MAP3K2: variants seen among roughly 807,000 people sequenced by gnomAD.
MAP3K2 encodes the protein mitogen-activated protein kinase kinase kinase 2.
MAP3K2 carries 24 observed loss-of-function variants against 80.3 expected under a neutral mutation model. The ratio of observed to expected loss-of-function variants is 0.30; its 90% confidence interval spans 0.22 to 0.42. The LOEUF (loss-of-function observed/expected upper bound fraction) is 0.42, where lower values mean the gene tolerates loss of function less well. MAP3K2 is among the 10% of genes least tolerant of loss of function. The pLI, the probability that MAP3K2 is intolerant of heterozygous loss-of-function variation, is 1.00. For synonymous variants in MAP3K2, 244 were observed against 253.7 expected (o/e 0.96, Z 0.36); for missense variants, 608 against 750.1 (o/e 0.81, Z 2.21).
At position 127,303,706 on chromosome 2, in the gene MAP3K2, T is replaced by G; in HGVS notation, c.*3873A>C. The G allele has an allele frequency of 6.9e-6, 1 of 145,304 alleles. No individual in the cohort carries two copies. The allele number at this position is 145,304 out of a possible 1,614,324, so 9.0% of individuals were successfully genotyped here. A position where few individuals can be genotyped will look rare whatever the true frequency, so the allele number is the denominator to read the frequency against. ...ACCTGACATAATAAGTTACAATTATTGAACAAACAAAGAAGATTCATTCTA... is the reference window on the plus strand; with the variant it reads ...ACCTGACATAATAAGTTACAATTATGGAACAAACAAAGAAGATTCATTCTA... On this transcript the variant is annotated 3_prime_UTR_variant, in exon 17 of 17. Transcript: ENST00000682094.
intron 9 of MAP3K2, among the ~76,000 whole-genome samples, chr2:127,324,552 C>T (rs1174946977): frequency 6.6e-6 from 1 of 152,194 alleles, no homozygotes; most frequent in African/African-American, 2.4e-5. Flanking sequence ...GCAAATCACC[C>T]TTCTGCATCA....
rs542388041 is a variant in MAP3K2, at chr2:127,323,139, C to T, written c.838+763G>A. ...AAATTAGGCCGGGCACGGTGGCTCA[C>T]GCCTGTAATCCTAGCACTTTGGGAG... On this transcript the variant is annotated intron_variant, in intron 11 of 16. Transcript: ENST00000682094. Among the ~76,000 whole-genome samples the T allele has an allele frequency of 9.5e-5, 14 of 147,924 alleles. 1 individual carries two copies. In the South Asian group the frequency reaches 3.1e-3, roughly 32 times the overall value.
At chr2:127,368,396 G>A (rs1279739437) in intron 1 of MAP3K2, among the ~76,000 whole-genome samples, 1 of 152,126 alleles carries the variant, frequency 6.6e-6, no homozygotes, top group Non-Finnish European at 1.5e-5. Context: ...GCTGAGGCGG[G>A]CAGATCACGA....
intron 1 of MAP3K2, among the ~76,000 whole-genome samples, chr2:127,361,294 C>A (rs1301841015): frequency 2.4e-4 from 26 of 107,484 alleles, no homozygotes; most frequent in East Asian, 8.0e-4. Context: ...GCCTGGGGGA[C>A]AGAGCAACAC....
At position 127,335,862 on chromosome 2, in the gene MAP3K2, A is replaced by T; in HGVS notation, c.264+8T>A. The T allele has an allele frequency of 6.8e-7, 1 of 1,476,742 alleles. No individual in the cohort carries two copies. Among genetic ancestry groups the T allele is most frequent in the Non-Finnish European group, 9.3e-7 (1 of 1,075,664 alleles). 91.5% of individuals were successfully genotyped at this position (1,476,742 alleles called of 1,614,324 possible). ...AAGATCTACTAAAGTTAAACTGTAC[A>T]TGTTTACCTCGTTATTGGTATAATG... On this transcript the variant is annotated splice_region_variant and intron_variant, in intron 5 of 16. Coordinates refer to ENST00000682094, the MANE Select transcript of MAP3K2 (RefSeq NM_001371910.2).
Position 127,342,960 on chromosome 2 carries a change from T to G in MAP3K2, c.4+166A>C, listed in dbSNP as rs546505673. ...TCTAAAACTACAGCAACACAAAAAGTACTTTAATTCAAAGTCTATTAAGTA... is the reference window on the plus strand; with the variant it reads ...TCTAAAACTACAGCAACACAAAAAGGACTTTAATTCAAAGTCTATTAAGTA... On this transcript the variant is annotated intron_variant, in intron 2 of 16. Coordinates refer to ENST00000682094, the MANE Select transcript of MAP3K2 (RefSeq NM_001371910.2). Among the ~76,000 whole-genome samples, 3 of 152,352 alleles carry G rather than the reference T, an allele frequency of 2.0e-5. No homozygotes were observed. In the South Asian group the frequency reaches 6.2e-4, roughly 32 times the overall value.
Position 127,382,756 on chromosome 2 carries a change from C to A in MAP3K2, c.-66+4696G>T, listed in dbSNP as rs572224259. 2.0e-5 allele frequency among the ~76,000 whole-genome samples: 3 copies of A among 152,322 alleles called. No individual in the cohort carries two copies. The East Asian group carries it at 5.8e-4, about 29-fold the overall frequency. ...GGTCAGGCTGGTCTTAAACTCCTGA[C>A]CTCAGGTGATCCGCCTGCCTTGGCC... On this transcript the variant is annotated intron_variant, in intron 1 of 16. Coordinates refer to ENST00000682094, the MANE Select transcript of MAP3K2 (RefSeq NM_001371910.2).
rs1027891254 is a variant in MAP3K2, at chr2:127,387,808, G to A, written c.-422C>T. 29 of 985,096 alleles carry A rather than the reference G, an allele frequency of 2.9e-5. No homozygotes were observed. The African/African-American group carries it at 4.9e-4, about 17-fold the overall frequency. 61.0% of individuals were successfully genotyped at this position (985,096 alleles called of 1,614,324 possible). On this transcript the variant is annotated 5_prime_UTR_variant, in exon 1 of 17. Coordinates refer to ENST00000682094, the MANE Select transcript of MAP3K2 (RefSeq NM_001371910.2). ...CGTCGCTAGAGACCGGAGAAGAGGC[G>A]GGAGTGGCGACTCTGCGGACAGGGG...
At chr2:127,344,408 G>T (rs945017383) in intron 1 of MAP3K2, among the ~76,000 whole-genome samples, 1 of 151,840 alleles carries the variant, frequency 6.6e-6, no homozygotes, top group African/African-American at 2.4e-5. Context: ...TAGCAATTTG[G>T]GGGGGCCAAG....
At chr2:127,355,709 T>C (rs891443669) in intron 1 of MAP3K2, among the ~76,000 whole-genome samples, 10 of 152,108 alleles carry the variant, frequency 6.6e-5, no homozygotes, top group Non-Finnish European at 1.3e-4. Context: ...TTTTATTTAG[T>C]TTAAAACAAA....
intron 13 of MAP3K2, 84 bp from the exon 14 acceptor site, chr2:127,317,844 T>A: frequency 7.7e-7 from 1 of 1,306,544 alleles, no homozygotes; most frequent in Non-Finnish European, 1.0e-6. Flanking sequence ...CAAGGTGATT[T>A]CATTCTGAAA....
At position 127,329,927 on chromosome 2, in the gene MAP3K2, T is replaced by C. The variant is rs765526805; in HGVS notation, c.460A>G (p.Ile154Val). The C allele has an allele frequency of 1.9e-6, 3 of 1,579,156 alleles. No homozygotes were observed. The highest frequency in any genetic ancestry group is 2.6e-6 in the Non-Finnish European group (3 of 1,149,320). ...FGAERKKRLSIIGPTSRDRSS... is the reference protein window; with the variant it reads ...FGAERKKRLSVIGPTSRDRSS... The stretch of plus-strand genomic sequence containing the variant: ...TCAGACACTAGTTTCTTACCTATTA[T>C]AGATAGCCGTTTTTTCCTCTCTGCT... The change falls in exon 7 of 17, where the codon ATA becomes GTA. Residue 154 changes from isoleucine to valine, a missense_variant. Ile to Val is a conservative substitution (Grantham distance 29). Around this residue, in one of 4 missense-constraint regions of MAP3K2, gnomAD observed 467 missense variants for 521.9 expected, o/e 0.89. Coordinates refer to ENST00000682094, the MANE Select transcript of MAP3K2 (RefSeq NM_001371910.2).
chr2:127,337,859 T>C (rs1686403168), intron 3 of MAP3K2, 81 bp from the exon 4 acceptor site: 2 of 874,824 alleles, frequency 2.3e-6, no homozygotes, highest in South Asian at 3.8e-5. Flanking sequence ...AATTTCTAAA[T>C]GATTTTGTTT....
intron 15 of MAP3K2, among the ~76,000 whole-genome samples, chr2:127,312,987 G>A (rs1327896064): frequency 1.3e-5 from 2 of 151,204 alleles, no homozygotes; most frequent in African/African-American, 2.4e-5. Context: ...AAATAAAAAC[G>A]ACCATCACTC....
intron 1 of MAP3K2, among the ~76,000 whole-genome samples, chr2:127,371,389 G>A (rs1457991144): frequency 3.3e-5 from 5 of 152,288 alleles, no homozygotes; most frequent in East Asian, 1.9e-4. Flanking sequence ...GTGCGCTCTC[G>A]GGGCTTGGGA....
intron 12 of MAP3K2, 58 bp from the exon 13 acceptor site, chr2:127,318,375 A>T (rs971750820): frequency 2.9e-6 from 4 of 1,386,416 alleles, no homozygotes; most frequent in Non-Finnish European, 3.8e-6. Flanking sequence ...TAAATGGTTA[A>T]TAACTAAATG....
intron 1 of MAP3K2, among the ~76,000 whole-genome samples, chr2:127,383,336 G>A (rs1413498338): frequency 2.6e-5 from 4 of 152,254 alleles, no homozygotes; most frequent in East Asian, 1.9e-4. Flanking sequence ...ATGTTTTTCC[G>A]TTTGTCTGTG....
At chr2:127,338,318 A>G (rs369558760) in intron 3 of MAP3K2, among the ~76,000 whole-genome samples, 1 of 152,162 alleles carries the variant, frequency 6.6e-6, no homozygotes, top group African/African-American at 2.4e-5. Context: ...TTCTTTATGA[A>G]CACAAACTTA....
intron 5 of MAP3K2, among the ~76,000 whole-genome samples, chr2:127,333,285 C>CAT (rs1464498630): frequency 2.0e-5 from 3 of 150,980 alleles, no homozygotes; most frequent in Non-Finnish European, 4.4e-5. Context: ...ATAACACACA[C>CAT]ACACACACAC....
Sources: allele counts gnomAD v4.1 joint callset (sites outside exome capture counted in the v4.1 genomes callset), GRCh38; gene constraint gnomAD v4.1.1; regional missense constraint gnomAD v4.1.1; transcripts MANE v1.5; gene names NCBI Gene and HGNC (gene_info 2026-07-23, HGNC 2026-07-21).